Variants in TMEM135 observed in about 807,000 individuals in gnomAD.
The protein encoded by TMEM135 is transmembrane protein 135, also known as peroxisomal membrane protein 52.
In TMEM135, 30 loss-of-function variants were observed where a neutral mutation model predicts 60.3. That is an observed-to-expected ratio of 0.50 (90% CI 0.37 to 0.68). TMEM135 has a LOEUF of 0.68. Ranked by LOEUF, TMEM135 falls within the 30% of genes least tolerant of loss-of-function variation. The pLI is 0.00. For missense variants in TMEM135, 468 were observed against 548.8 expected (o/e 0.85, Z 1.47); for synonymous variants, 190 against 186.7 (o/e 1.02, Z -0.14).
intron 4 of TMEM135, among the ~76,000 whole-genome samples, chr11:87,144,797 A>G (rs1270359518): frequency 6.6e-6 from 1 of 150,576 alleles, no homozygotes; most frequent in East Asian, 1.9e-4. Context: ...TTAGTGATGT[A>G]TCTGGGTATG....
chr11:87,106,160 G>T (rs1440473373), intron 4 of TMEM135, among the ~76,000 whole-genome samples: 2 of 151,726 alleles, frequency 1.3e-5, no homozygotes, highest in Non-Finnish European at 2.9e-5. Flanking sequence ...CTGGAGTGCA[G>T]TGGGGTGATC....
intron 3 of TMEM135, among the ~76,000 whole-genome samples, chr11:87,088,331 GT>G (rs1231854330): frequency 2.0e-5 from 3 of 152,122 alleles, no homozygotes; most frequent in Admixed American, 2.0e-4. Context: ...AGTCTCTCCA[GT>G]TGTGTCTTGT....
At chr11:87,116,730 T>G (rs903576558) in intron 4 of TMEM135, among the ~76,000 whole-genome samples, 2 of 152,104 alleles carry the variant, frequency 1.3e-5, no homozygotes, top group African/African-American at 4.8e-5. Flanking sequence ...GTGAATACTG[T>G]AATAAAATGA....
At chr11:87,239,153 G>C (rs914853824) in intron 6 of TMEM135, among the ~76,000 whole-genome samples, 7 of 151,962 alleles carry the variant, frequency 4.6e-5, no homozygotes, top group African/African-American at 1.7e-4. Context: ...TCCTGTTTCA[G>C]TCACAAGTCT....
chr11:87,133,660 A>G (rs1938002419), intron 4 of TMEM135, among the ~76,000 whole-genome samples: 1 of 152,180 alleles, frequency 6.6e-6, no homozygotes, highest in Admixed American at 6.5e-5. Context: ...CCATTACTCT[A>G]CAAATTTATT....
intron 5 of TMEM135, among the ~76,000 whole-genome samples, chr11:87,231,764 A>G (rs1940893196): frequency 6.6e-6 from 1 of 152,160 alleles, no homozygotes; most frequent in Non-Finnish European, 1.5e-5. Flanking sequence ...ATAGTTTCAA[A>G]AAGTTAGAGA....
chr11:87,091,817 T>C (rs1857213012), intron 4 of TMEM135, among the ~76,000 whole-genome samples: 1 of 152,136 alleles, frequency 6.6e-6, no homozygotes, highest in East Asian at 1.9e-4. Flanking sequence ...ACATTGGTAC[T>C]ATCTCCAAAC....
intron 12 of TMEM135, 124 bp downstream of exon 12, chr11:87,314,671 A>G: frequency 1.3e-6 from 1 of 748,212 alleles, no homozygotes; most frequent in Non-Finnish European, 2.3e-6. Context: ...AAGTATTTGC[A>G]AAGTTGATTC....
intron 5 of TMEM135, among the ~76,000 whole-genome samples, chr11:87,217,340 G>C (rs1940523466): frequency 6.6e-6 from 1 of 152,132 alleles, no homozygotes; most frequent in Non-Finnish European, 1.5e-5. Context: ...AAGAATCAAG[G>C]TGTAGAAGTT....
At chr11:87,258,328 C>T (rs1297451457) in intron 6 of TMEM135, among the ~76,000 whole-genome samples, 1 of 152,044 alleles carries the variant, frequency 6.6e-6, no homozygotes, top group African/African-American at 2.4e-5. Context: ...TCTGTCTTCC[C>T]CAGTCCCCAT....
chr11:87,272,212 C>G (rs1374822763), intron 6 of TMEM135, among the ~76,000 whole-genome samples: 5 of 151,714 alleles, frequency 3.3e-5, no homozygotes, highest in Non-Finnish European at 7.4e-5. Flanking sequence ...CGCCACCACA[C>G]CCAGCTGATT....
intron 7 of TMEM135, among the ~76,000 whole-genome samples, chr11:87,301,693 T>C (rs1942453017): frequency 6.6e-6 from 1 of 152,220 alleles, no homozygotes; most frequent in Non-Finnish European, 1.5e-5. Flanking sequence ...AGGATAGGTG[T>C]AAACAGTGAT....
chr11:87,194,513 A>G (rs1939887293), intron 5 of TMEM135, among the ~76,000 whole-genome samples: 1 of 152,164 alleles, frequency 6.6e-6, no homozygotes, highest in Middle Eastern at 3.2e-3. Flanking sequence ...CCACCTTCTT[A>G]AAGAATAATA....
intron 6 of TMEM135, among the ~76,000 whole-genome samples, chr11:87,286,057 G>T (rs1252396579): frequency 6.6e-6 from 1 of 152,122 alleles, no homozygotes; most frequent in Non-Finnish European, 1.5e-5. Context: ...TAGACACAGG[G>T]TGCTGATTGG....
chr11:87,201,197 T>C (rs1420401391), intron 5 of TMEM135, among the ~76,000 whole-genome samples: 1 of 152,198 alleles, frequency 6.6e-6, no homozygotes, highest in Non-Finnish European at 1.5e-5. Flanking sequence ...GATTTGAAAC[T>C]GGAAGATCTT....
At chr11:87,071,726 A>G (rs918020608) in intron 3 of TMEM135, 111 bp downstream of exon 3, 63 of 658,612 alleles carry the variant, frequency 9.6e-5, no homozygotes, top group Non-Finnish European at 1.5e-4. Flanking sequence ...TTCTAGATAT[A>G]TTTTTTCGGT....
intron 6 of TMEM135, among the ~76,000 whole-genome samples, chr11:87,289,437 C>CTTTTTTTTTTTTTTTTTTTTTT (rs376999371): frequency 1.1e-5 from 1 of 87,606 alleles, no homozygotes; most frequent in Admixed American, 1.4e-4. Context: ...ATCTCCATAT[C>CTTTTTTTTTTTTTTTTTTTTTT]TTTTTTTTTT....
Position 87,085,227 on chromosome 11 carries a change from T to C in TMEM135, c.363-6135T>C, listed in dbSNP as rs1438773823. ...AAGAGTGTGGCTCTATAATCCAACA[T>C]ATCATACCCTTCAGAGATAATATTC... On this transcript the variant is annotated intron_variant, in intron 3 of 14. Coordinates refer to ENST00000305494, the MANE Select transcript of TMEM135 (RefSeq NM_022918.4). Among the ~76,000 whole-genome samples, 3 of 152,192 alleles carry C rather than the reference T, an allele frequency of 2.0e-5. No homozygotes were observed. In the East Asian group the frequency reaches 5.8e-4, roughly 29 times the overall value.
chr11:87,047,615 A>G (rs199604298), intron 1 of TMEM135, among the ~76,000 whole-genome samples: 5,250 of 114,828 alleles, frequency 0.046, 133 homozygotes, highest in East Asian at 0.11. Flanking sequence ...ACCGGCTTAA[A>G]AAACGGCGCA....
Sources: gnomAD v4.1 joint callset for allele counts (sites outside exome capture counted in the v4.1 genomes callset) on GRCh38, gnomAD v4.1.1 for gene constraint, MANE v1.5 for transcripts, NCBI Gene and HGNC (gene_info 2026-07-23, HGNC 2026-07-21) for gene names.